The following RNF17 variants were observed in gnomAD, a reference collection of about 807,000 sequenced individuals.
RNF17 encodes the protein ring finger protein 17, also known as spermatogenesis associated 23.
RNF17 carries 31 observed loss-of-function variants against 200.5 expected under a neutral mutation model. The observed-to-expected ratio is 0.15, with a 90% CI of 0.12 to 0.21. RNF17 has a LOEUF of 0.21. RNF17 is among the 10% of genes least tolerant of loss of function. The pLI, the probability that RNF17 is intolerant of heterozygous loss-of-function variation, is 1.00. For missense variants in RNF17, 1,628 were observed against 1,905.1 expected, an observed-to-expected ratio of 0.85 and a Z score of 2.71; for synonymous variants, 606 against 637.8, an observed-to-expected ratio of 0.95 and a Z score of 0.75.
At chr13:24,886,803 A>T in the RNF17 span, among the ~76,000 whole-genome samples, 1 of 152,258 alleles carries the variant, frequency 6.6e-6, no homozygotes, top group African/African-American at 2.4e-5. Flanking sequence ...AAGTGGTTAA[A>T]TAACCTACTA....
chr13:24,786,739 T>G (rs964852424), intron 6 of RNF17, among the ~76,000 whole-genome samples: 1 of 152,196 alleles, frequency 6.6e-6, no homozygotes, highest in Non-Finnish European at 1.5e-5. Context: ...AATTTGCAGA[T>G]AATATTATTG....
chr13:24,824,708 A>G (rs1447811657), intron 15 of RNF17, among the ~76,000 whole-genome samples: 1 of 152,222 alleles, frequency 6.6e-6, no homozygotes, highest in African/African-American at 2.4e-5. Flanking sequence ...TCACATTAAG[A>G]TGGATGGTTG....
At chr13:24,753,083 G>A in the RNF17 span, among the ~76,000 whole-genome samples, 2 of 151,926 alleles carry the variant, frequency 1.3e-5, no homozygotes, top group Non-Finnish European at 2.9e-5. Context: ...AGGGATGGGG[G>A]ATGTGGCTGA....
chr13:24,757,525 T>C, the RNF17 span, among the ~76,000 whole-genome samples: 32,026 of 151,948 alleles, frequency 0.21, 3,834 homozygotes, highest in East Asian at 0.41. Flanking sequence ...GGTTTCACCA[T>C]GTTAGCCAGG....
At chr13:24,817,955 T>C (rs566824870) in intron 15 of RNF17, among the ~76,000 whole-genome samples, 8 of 152,120 alleles carry the variant, frequency 5.3e-5, no homozygotes, top group Non-Finnish European at 1.2e-4. Flanking sequence ...TGGGTAATTT[T>C]CTCTTTTTCT....
chr13:24,813,845 A>G lies in RNF17; in HGVS notation c.2091+9416A>G, dbSNP rs151062031. Among the ~76,000 whole-genome samples the G allele has an allele frequency of 7.1e-3, 532 of 74,680 alleles. 21 individuals carry two copies. The East Asian group carries it at 0.12, about 16-fold the overall frequency. 49.0% of individuals were successfully genotyped at this position (74,680 alleles called of 152,430 possible). On this transcript the variant is annotated intron_variant, in intron 15 of 35. Coordinates refer to ENST00000255324, the MANE Select transcript of RNF17 (RefSeq NM_031277.3). Reference sequence around the variant, plus strand: ...TTTTTTTTTTTTTTTTTTTTTTTTTAGAGACAGGTTCTTGCTGTGTTGCCC... The same window carrying G: ...TTTTTTTTTTTTTTTTTTTTTTTTTGGAGACAGGTTCTTGCTGTGTTGCCC...
At position 24,842,119 on chromosome 13, in the gene RNF17, A is replaced by AATAGTTT; in HGVS notation, c.2561_2562insATAGTTT (p.Asn854LysfsTer2). On this transcript the variant is annotated stop_gained and frameshift_variant, in exon 19 of 36. Transcript: ENST00000255324. LOFTEE classifies it high-confidence loss of function. ...CCTGAAATGACTACTACTAGTATTA[A>AATAGTTT]TGACCAGCTAGTTAAAGAGGGCCTA... 1 of 1,610,470 alleles carries AATAGTTT rather than the reference A, an allele frequency of 6.2e-7. No individual in the cohort carries two copies. The highest frequency in any genetic ancestry group is 8.5e-7 in the Non-Finnish European group (1 of 1,177,260).
At chr13:24,867,999 A>G (rs1240069154) in intron 30 of RNF17, among the ~76,000 whole-genome samples, 9 of 152,226 alleles carry the variant, frequency 5.9e-5, no homozygotes, top group African/African-American at 1.7e-4. Context: ...ACTATTGACT[A>G]TTCTTCTAGA....
chr13:24,885,505 ACTCT>A, the RNF17 span: 1 of 1,182,268 alleles, frequency 8.5e-7, no homozygotes, highest in Non-Finnish European at 1.3e-6. Context: ...TTAAGTAAAA[ACTCT>A]TTTTTACACG....
chr13:24,887,613 T>C, the RNF17 span, among the ~76,000 whole-genome samples: 1 of 152,062 alleles, frequency 6.6e-6, no homozygotes, highest in Non-Finnish European at 1.5e-5. Flanking sequence ...AGCTCAGGGC[T>C]CCCCCTGATT....
In RNF17 at chr13:24,764,258, G is replaced by A. The variant is rs773076175; in HGVS notation, c.55G>A (p.Gly19Arg). Reference sequence around the variant, plus strand: ...TTCTAGGTCTTCCTACCAGCGAATGGGGAGGAAGAGTCAGCCCTGGGGTGC... The same window carrying A: ...TTCTAGGTCTTCCTACCAGCGAATGAGGAGGAAGAGTCAGCCCTGGGGTGC... ...GPSRSSYQRM[G>R]RKSQPWGAAE... The change falls in exon 1 of 36, where the codon GGG (glycine) becomes AGG (arginine). Residue 19 changes from glycine to arginine, a missense_variant. Gly to Arg is a moderately radical substitution (Grantham distance 125). Coordinates refer to ENST00000255324, the MANE Select transcript of RNF17 (RefSeq NM_031277.3). The A allele has an allele frequency of 5.0e-6, 8 of 1,610,390 alleles. No individual in the cohort carries two copies. The African/African-American group carries it at 8.0e-5, about 16-fold the overall frequency.
chr13:24,770,880 C>T (rs1468279119), intron 2 of RNF17, among the ~76,000 whole-genome samples: 2 of 152,176 alleles, frequency 1.3e-5, no homozygotes, highest in African/African-American at 2.4e-5. Context: ...AATTCCTCAA[C>T]CTCACCTCCA....
chr13:24,763,072 G>C (rs1486359005), upstream of RNF17, among the ~76,000 whole-genome samples: 3 of 152,060 alleles, frequency 2.0e-5, no homozygotes, highest in African/African-American at 7.2e-5. Flanking sequence ...ACTCCTGTAA[G>C]TACTACCTAG....
At chr13:24,758,340 G>A in the RNF17 span, among the ~76,000 whole-genome samples, 1 of 151,958 alleles carries the variant, frequency 6.6e-6, no homozygotes, top group East Asian at 1.9e-4. Flanking sequence ...ATTGTTCCAT[G>A]CGTTATCATG....
intron 15 of RNF17, among the ~76,000 whole-genome samples, chr13:24,824,731 A>C (rs1225415949): frequency 3.9e-5 from 6 of 152,228 alleles, no homozygotes; most frequent in African/African-American, 1.4e-4. Context: ...AAGATACTGG[A>C]TATTCATATA....
chr13:24,874,764 A>G (rs996411219), intron 33 of RNF17, among the ~76,000 whole-genome samples: 3 of 152,134 alleles, frequency 2.0e-5, no homozygotes, highest in East Asian at 1.9e-4. Context: ...TACATTCACA[A>G]GGTTATACAA....
At chr13:24,809,405 C>A (rs538254684) in intron 15 of RNF17, among the ~76,000 whole-genome samples, 132 of 152,264 alleles carry the variant, frequency 8.7e-4, no homozygotes, top group Middle Eastern at 6.8e-3. Flanking sequence ...TCCATTTCTT[C>A]TAGATTTTCT....
chr13:24,834,562 CT>C (rs1889762923), intron 18 of RNF17, among the ~76,000 whole-genome samples: 1 of 152,232 alleles, frequency 6.6e-6, no homozygotes, highest in African/African-American at 2.4e-5. Flanking sequence ...TGAAAACACA[CT>C]TCCACTGGAG....
upstream of RNF17, among the ~76,000 whole-genome samples, chr13:24,763,587 G>GT (rs1051364570): frequency 3.3e-5 from 5 of 151,940 alleles, no homozygotes; most frequent in South Asian, 2.1e-4. Context: ...AAGTTACTGG[G>GT]TTTTTTTAAG....
Sources: gnomAD v4.1 joint callset for allele counts (sites outside exome capture counted in the v4.1 genomes callset) on GRCh38, gnomAD v4.1.1 for gene constraint, MANE v1.5 for transcripts, NCBI Gene and HGNC (gene_info 2026-07-23, HGNC 2026-07-21) for gene names.